The following CD44 variants were observed in gnomAD, a reference collection of about 807,000 sequenced individuals.
CD44 encodes the protein CD44 molecule (IN blood group).
A neutral mutation model predicts 88.8 loss-of-function variants in CD44; 49 were observed. The observed-to-expected ratio is 0.55, with a 90% CI of 0.44 to 0.70. The LOEUF (loss-of-function observed/expected upper bound fraction) is 0.70, where lower values mean the gene tolerates loss of function less well. CD44 is among the 30% of genes least tolerant of loss of function. The pLI, the probability that CD44 is intolerant of heterozygous loss-of-function variation, is 0.00. For missense variants in CD44, 883 were observed against 913.8 expected (o/e 0.97, Z 0.43); for synonymous variants, 325 against 312.3 (o/e 1.04, Z -0.43).
intron 1 of CD44, among the ~76,000 whole-genome samples, chr11:35,149,829 G>A (rs1859962638): frequency 6.6e-6 from 1 of 152,216 alleles, no homozygotes; most frequent in East Asian, 1.9e-4. Context: ...ATTAATCCAT[G>A]CCAGAAATAA....
intron 1 of CD44, among the ~76,000 whole-genome samples, chr11:35,156,045 TG>T (rs1941820871): frequency 6.6e-6 from 1 of 152,202 alleles, no homozygotes; most frequent in African/African-American, 2.4e-5. Flanking sequence ...ACCCCAGAGC[TG>T]ATGTCCATGT....
chr11:35,162,861 C>G (rs1435506484), intron 1 of CD44, among the ~76,000 whole-genome samples: 1 of 152,066 alleles, frequency 6.6e-6, no homozygotes, highest in East Asian at 1.9e-4. Flanking sequence ...TGTGCATGCT[C>G]TTGTGCACAC....
intron 9 of CD44, among the ~76,000 whole-genome samples, chr11:35,202,569 A>T (rs1199890657): frequency 5.9e-5 from 9 of 152,332 alleles, no homozygotes; most frequent in African/African-American, 2.2e-4. Context: ...TTTTAAAATG[A>T]TGACCCAACT....
At chr11:35,201,915 G>A in intron 9 of CD44, 128 bp downstream of exon 9, 2 of 1,020,580 alleles carry the variant, frequency 2.0e-6, no homozygotes, top group Non-Finnish European at 1.4e-6. Flanking sequence ...TTTATTCTTA[G>A]AGCCTGAAAA....
intron 15 of CD44, among the ~76,000 whole-genome samples, chr11:35,217,740 C>T (rs561049054): frequency 3.3e-5 from 5 of 152,200 alleles, no homozygotes; most frequent in African/African-American, 9.6e-5. Context: ...CATTTAAGAC[C>T]CCACCATTTT....
At position 35,229,195 on chromosome 11, in the gene CD44, T is replaced by C. The variant is rs779447093; in HGVS notation, c.2091T>C (p.Ser697=). The part of the protein sequence containing the change: ...GNGAVEDRKP[S]GLNGEASKSQ... ...GAGCTGTGGAGGACAGAAAGCCAAG[T>C]GGACTCAACGGAGAGGCCAGCAAGT... is the stretch of plus-strand genomic sequence containing the variant. Residue 697 remains serine, a synonymous_variant, in exon 18 of 18, where the codon AGT becomes AGC. Transcript: ENST00000428726. The C allele has an allele frequency of 6.8e-6, 11 of 1,613,968 alleles. No individual in the cohort carries two copies. The highest frequency in any genetic ancestry group is 9.3e-6 in the Non-Finnish European group (11 of 1,179,978).
Position 35,180,259 on chromosome 11 carries a change from G to A in CD44, c.234-15G>A. 1.9e-6 allele frequency: 3 copies of A among 1,613,642 alleles called. No homozygotes were observed. The highest frequency in any genetic ancestry group is 2.5e-6 in the Non-Finnish European group (3 of 1,179,712). ...TAGCCATTTAGGTCAATATCCTGTT[G>A]TTTTTCTCTTACAGGTATGGGTTCA... On this transcript the variant is annotated splice_polypyrimidine_tract_variant and intron_variant, in intron 2 of 17. Coordinates refer to ENST00000428726, the MANE Select transcript of CD44 (RefSeq NM_000610.4).
At chr11:35,206,055 A>G in intron 10 of CD44, 57 bp from the exon 11 acceptor site, 5 of 1,542,672 alleles carry the variant, frequency 3.2e-6, no homozygotes, top group Non-Finnish European at 4.4e-6. Flanking sequence ...AAATCGGTGT[A>G]TCCCTGACCA....
intron 1 of CD44, among the ~76,000 whole-genome samples, chr11:35,154,098 A>G (rs375825765): frequency 6.6e-6 from 1 of 152,246 alleles, no homozygotes; most frequent in African/African-American, 2.4e-5. Context: ...AAAAAGTGTC[A>G]TATGGTATAG....
chr11:35,180,623 T>G (rs1020903071), intron 3 of CD44, among the ~76,000 whole-genome samples: 3 of 152,264 alleles, frequency 2.0e-5, no homozygotes, highest in Non-Finnish European at 2.9e-5. Context: ...CATTCAGGAC[T>G]GTCCAATCTT....
intron 1 of CD44, among the ~76,000 whole-genome samples, chr11:35,168,290 C>A (rs1943522783): frequency 1.3e-5 from 2 of 152,194 alleles, no homozygotes; most frequent in African/African-American, 4.8e-5. Flanking sequence ...GAATTTAACA[C>A]TGGAAAATGA....
At chr11:35,219,168 G>A (rs1241699323) in intron 15 of CD44, 148 bp from the exon 16 acceptor site, 4 of 640,542 alleles carry the variant, frequency 6.2e-6, no homozygotes, top group African/African-American at 5.5e-5. Flanking sequence ...AATCTTTTGT[G>A]TAATGCTTTA....
chr11:35,197,881 C>T, intron 6 of CD44: 2 of 467,906 alleles, frequency 4.3e-6, no homozygotes, highest in Non-Finnish European at 7.6e-6. Flanking sequence ...TATGTCCACA[C>T]TTATTCTTTC....
intron 17 of CD44, among the ~76,000 whole-genome samples, chr11:35,225,977 G>A (rs1353238813): frequency 1.3e-5 from 2 of 152,182 alleles, no homozygotes; most frequent in African/African-American, 4.8e-5. Context: ...GATGATCTCT[G>A]AAGCCCCTTA....
rs755118985 is a variant in CD44, at chr11:35,200,671, C to G, written c.923-411C>G. On this transcript the variant is annotated intron_variant, in intron 7 of 17. Coordinates refer to ENST00000428726, the MANE Select transcript of CD44 (RefSeq NM_000610.4). ...TTATCTGCCTCTTCACCCGGAGGATCTACAAACAGCACACAGTGACTAAGT... is the reference window on the plus strand; with the variant it reads ...TTATCTGCCTCTTCACCCGGAGGATGTACAAACAGCACACAGTGACTAAGT... 40 of 163,662 alleles carry G rather than the reference C, an allele frequency of 2.4e-4. 1 individual carries two copies. The highest frequency in any genetic ancestry group is 6.6e-4 in the Admixed American group (11 of 16,718). The allele number at this position is 163,662 out of a possible 1,614,324, so 10.1% of individuals were successfully genotyped here. A position where few individuals can be genotyped will look rare whatever the true frequency, so the allele number is the denominator to read the frequency against.
Position 35,229,495 on chromosome 11 carries a change from A to C in CD44, c.*162A>C, listed in dbSNP as rs1949954209. 8.6e-6 allele frequency: 5 copies of C among 579,784 alleles called. No individual in the cohort carries two copies. The Admixed American group carries it at 1.7e-4, about 19-fold the overall frequency. 35.9% of individuals were successfully genotyped at this position (579,784 alleles called of 1,614,324 possible). ...TTGTTTTTTGTGTTTTGTTCTTTAAAGTCAGGTCCAATTTGTAAAAACAGC... is the reference window on the plus strand; with the variant it reads ...TTGTTTTTTGTGTTTTGTTCTTTAACGTCAGGTCCAATTTGTAAAAACAGC... On this transcript the variant is annotated 3_prime_UTR_variant, in exon 18 of 18. Coordinates refer to ENST00000428726, the MANE Select transcript of CD44 (RefSeq NM_000610.4).
At chr11:35,171,898 C>T (rs1007046631) in intron 1 of CD44, among the ~76,000 whole-genome samples, 1 of 151,718 alleles carries the variant, frequency 6.6e-6, no homozygotes, top group Non-Finnish European at 1.5e-5. Context: ...TGCCTAATGG[C>T]TTCTCCATAG....
intron 1 of CD44, among the ~76,000 whole-genome samples, chr11:35,147,783 T>C (rs1207506966): frequency 6.6e-6 from 1 of 152,182 alleles, no homozygotes; most frequent in Non-Finnish European, 1.5e-5. Context: ...TTCACTATTA[T>C]GCACATTAAG....
intron 17 of CD44, among the ~76,000 whole-genome samples, chr11:35,228,145 T>G (rs182669261): frequency 7.9e-5 from 12 of 152,290 alleles, no homozygotes; most frequent in African/African-American, 2.6e-4. Context: ...AGAGGAAGCA[T>G]TGCATTAGGC....
Sources: gnomAD v4.1 joint callset for allele counts (sites outside exome capture counted in the v4.1 genomes callset) on GRCh38, gnomAD v4.1.1 for gene constraint, MANE v1.5 for transcripts, NCBI Gene and HGNC (gene_info 2026-07-23, HGNC 2026-07-21) for gene names.